Variants in GRM5 observed in about 807,000 individuals in gnomAD.
The protein encoded by GRM5 is glutamate metabotropic receptor 5.
A neutral mutation model predicts 83.1 loss-of-function variants in GRM5; 19 were observed. That is an observed-to-expected ratio of 0.23 (90% CI 0.16 to 0.34). The LOEUF is 0.34. Ranked by LOEUF, GRM5 falls within the 10% of genes least tolerant of loss-of-function variation. The pLI is 1.00. For synonymous variants in GRM5, 675 were observed against 633.6 expected, an observed-to-expected ratio of 1.07 and a Z score of -0.98; for missense variants, 1,160 against 1,588.3, an observed-to-expected ratio of 0.73 and a Z score of 4.58.
chr11:88,583,648 G>A (rs1943257536), intron 7 of GRM5, among the ~76,000 whole-genome samples: 1 of 152,162 alleles, frequency 6.6e-6, no homozygotes, highest in Middle Eastern at 3.4e-3. Context: ...TTTGGACTGG[G>A]GACCTAAAGA....
intron 3 of GRM5, among the ~76,000 whole-genome samples, chr11:88,660,738 A>T (rs1177085118): frequency 6.6e-6 from 1 of 152,190 alleles, no homozygotes; most frequent in Non-Finnish European, 1.5e-5. Context: ...TGTTGATCGG[A>T]GACATAGAAC....
intron 3 of GRM5, among the ~76,000 whole-genome samples, chr11:88,776,717 T>C (rs1187883656): frequency 6.6e-6 from 1 of 152,216 alleles, no homozygotes; most frequent in African/African-American, 2.4e-5. Context: ...TGGCTGGATA[T>C]TAAATTCCGG....
chr11:88,712,980 T>A (rs1941314584), intron 3 of GRM5, among the ~76,000 whole-genome samples: 1 of 152,056 alleles, frequency 6.6e-6, no homozygotes. Context: ...GGTCAAGGCC[T>A]GGGGCTATGA....
chr11:88,654,286 C>T (rs186955159), intron 3 of GRM5, among the ~76,000 whole-genome samples: 1 of 152,088 alleles, frequency 6.6e-6, no homozygotes, highest in Admixed American at 6.6e-5. Context: ...TTGGAAAATA[C>T]ATGAAACATT....
rs551469686 is a variant in GRM5, at chr11:88,732,486, A to G, written c.912-79083T>C. 2.0e-5 allele frequency among the ~76,000 whole-genome samples: 3 copies of G among 152,132 alleles called. No homozygotes were observed. The East Asian group carries it at 5.8e-4, about 30-fold the overall frequency. On this transcript the variant is annotated intron_variant, in intron 3 of 9. Transcript: ENST00000305447. Reference sequence around the variant, plus strand: ...CCACACACTGTGCTGGGCACGAGGGACTTTGTCAATGTTATCTTGTCACAC... The same window carrying G: ...CCACACACTGTGCTGGGCACGAGGGGCTTTGTCAATGTTATCTTGTCACAC...
At chr11:88,947,357 A>T (rs1341936709) in intron 2 of GRM5, among the ~76,000 whole-genome samples, 1 of 152,150 alleles carries the variant, frequency 6.6e-6, no homozygotes, top group Non-Finnish European at 1.5e-5. Flanking sequence ...TCCAAAAAGC[A>T]TATTTACTTG....
At chr11:89,060,283 TATACAC>T (rs1223464799) in intron 1 of GRM5, among the ~76,000 whole-genome samples, 12 of 142,986 alleles carry the variant, frequency 8.4e-5, no homozygotes, top group East Asian at 2.0e-4. Flanking sequence ...TATATATATA[TATACAC>T]ACACACACAC....
intron 3 of GRM5, among the ~76,000 whole-genome samples, chr11:88,796,899 CGTGTGTGTGTGTGTGTGTGTGT>C (rs36203408): frequency 6.3e-5 from 9 of 143,544 alleles, no homozygotes; most frequent in South Asian, 2.3e-4. Context: ...CACACACACA[CGTGTGTGTGTGTGTGTGTGTGT>C]GTGTGTGTGT....
intron 2 of GRM5, among the ~76,000 whole-genome samples, chr11:89,034,051 A>ACG (rs1355929162): frequency 9.2e-5 from 2 of 21,838 alleles, no homozygotes; most frequent in Non-Finnish European, 2.1e-4. Flanking sequence ...GATAATTATT[A>ACG]TGAGGTCGAA....
chr11:88,744,044 C>A (rs1227916901), intron 3 of GRM5, among the ~76,000 whole-genome samples: 1 of 152,108 alleles, frequency 6.6e-6, no homozygotes, highest in East Asian at 1.9e-4. Flanking sequence ...ATGTAAGAAG[C>A]ATACTAGTAA....
chr11:88,519,229 A>C (rs1296769701), intron 9 of GRM5, among the ~76,000 whole-genome samples: 1 of 151,740 alleles, frequency 6.6e-6, no homozygotes, highest in African/African-American at 2.4e-5. Flanking sequence ...ATGAAGGATA[A>C]TCCAGATAGA....
rs1424469053 is a variant in GRM5, at chr11:88,663,079, C to T, written c.912-9676G>A. Among the ~76,000 whole-genome samples the T allele has an allele frequency of 4.6e-5, 7 of 152,248 alleles. No individual in the cohort carries two copies. In the East Asian group the frequency reaches 1.4e-3, roughly 29 times the overall value. On this transcript the variant is annotated intron_variant, in intron 3 of 9. Coordinates refer to ENST00000305447, the MANE Select transcript of GRM5 (RefSeq NM_001143831.3). ...GCAATATGAAGTTAATACTCACTTC[C>T]CAACTCTATTCTGCATTTCTTCACT...
chr11:88,581,716 A>T (rs145058365), intron 7 of GRM5, among the ~76,000 whole-genome samples: 9 of 150,598 alleles, frequency 6.0e-5, no homozygotes, highest in Admixed American at 2.0e-4. Flanking sequence ...GCTGATCACC[A>T]TTATGATGTT....
chr11:88,569,312 A>C (rs1942936542), intron 7 of GRM5, among the ~76,000 whole-genome samples: 1 of 152,242 alleles, frequency 6.6e-6, no homozygotes, highest in South Asian at 2.1e-4. Flanking sequence ...CTGAGTAAGT[A>C]GGAAAGGAGG....
At chr11:88,692,571 C>T (rs371364717) in intron 3 of GRM5, among the ~76,000 whole-genome samples, 1 of 152,158 alleles carries the variant, frequency 6.6e-6, no homozygotes, top group African/African-American at 2.4e-5. Flanking sequence ...TTAATTAGTG[C>T]TTCAGCAATA....
chr11:88,528,917 A>C (rs1941943862), intron 8 of GRM5, among the ~76,000 whole-genome samples: 1 of 152,086 alleles, frequency 6.6e-6, no homozygotes. Context: ...GCCCAAGGTT[A>C]AAAATCAGGT....
chr11:88,871,161 A>G (rs191679107), intron 2 of GRM5, among the ~76,000 whole-genome samples: 1 of 151,710 alleles, frequency 6.6e-6, no homozygotes, highest in South Asian at 2.1e-4. Flanking sequence ...CATAATCTCA[A>G]TGAATGTTCA....
intron 1 of GRM5, among the ~76,000 whole-genome samples, chr11:89,050,611 T>C (rs754271696): frequency 2.0e-5 from 3 of 152,182 alleles, no homozygotes; most frequent in Non-Finnish European, 4.4e-5. Flanking sequence ...GCAATCCCAT[T>C]ACTGGCTATA....
intron 3 of GRM5, among the ~76,000 whole-genome samples, chr11:88,782,780 C>T (rs971687846): frequency 6.6e-6 from 1 of 152,008 alleles, no homozygotes; most frequent in Admixed American, 6.6e-5. Flanking sequence ...TTCACATGGT[C>T]CAAAGCTGAC....
Sources: gnomAD v4.1 joint callset for allele counts (sites outside exome capture counted in the v4.1 genomes callset) on GRCh38, gnomAD v4.1.1 for gene constraint, MANE v1.5 for transcripts, NCBI Gene and HGNC (gene_info 2026-07-23, HGNC 2026-07-21) for gene names.